Variants in PCDHA12 observed in about 807,000 individuals in gnomAD.
The protein encoded by PCDHA12 is protocadherin alpha 12, also known as protocadherin alpha-12.
Under a neutral mutation model 60.0 loss-of-function variants are expected in PCDHA12, and 44 were observed. The observed-to-expected ratio is 0.73, with a 90% CI of 0.58 to 0.94. The LOEUF (loss-of-function observed/expected upper bound fraction) is 0.94. Among genes scored for constraint, PCDHA12 ranks in the 40% least tolerant of loss-of-function variants. The pLI is 0.00. For missense variants in PCDHA12, 1,276 were observed against 1,239.7 expected (o/e 1.03, Z -0.44); for synonymous variants, 569 against 553.0 (o/e 1.03, Z -0.40).
chr5:140,913,448 G>A (rs185287281), intron 1 of PCDHA12, among the ~76,000 whole-genome samples: 8 of 152,012 alleles, frequency 5.3e-5, no homozygotes, highest in African/African-American at 1.2e-4. Flanking sequence ...TTTCAGCTCC[G>A]ATTTTATTTA....
rs782650940 is a variant in PCDHA12, at chr5:140,877,375, C to G, written c.1903C>G (p.Arg635Gly). ...GTACACTGGCGAGATCAGCACGACA[C>G]GCATCCTGGATGAGGCGGACGCTCC... The part of the protein sequence containing the change: ...GLYTGEISTT[R>G]ILDEADAPRH... Residue 635 changes from arginine to glycine, a missense_variant, in exon 1 of 4, where the codon CGC becomes GGC. Arg to Gly is a moderately radical substitution (Grantham distance 125). Transcript: ENST00000398631. 1 of 1,614,006 alleles carries G rather than the reference C, an allele frequency of 6.2e-7. No homozygotes were observed. Among genetic ancestry groups the G allele is most frequent in the Admixed American group, 1.7e-5 (1 of 60,026 alleles).
rs781982439 is a variant in PCDHA12, at chr5:140,967,345, C to G, written c.2368-11604C>G. 3 of 1,607,752 alleles carry G rather than the reference C, an allele frequency of 1.9e-6. No homozygotes were observed. The South Asian group carries it at 3.3e-5, about 18-fold the overall frequency. On this transcript the variant is annotated intron_variant, in intron 1 of 3. Coordinates refer to ENST00000398631, the MANE Select transcript of PCDHA12 (RefSeq NM_018903.4). ...ACGAGCTCAGCCCCAGCGAGCACTT[C>G]GAGCTGGACCTTAAGCCCCTGCAGG...
intron 1 of PCDHA12, among the ~76,000 whole-genome samples, chr5:140,975,597 T>C (rs2096674133): frequency 6.6e-6 from 1 of 152,242 alleles, no homozygotes; most frequent in Non-Finnish European, 1.5e-5. Context: ...GAGGGCAATT[T>C]GTTGATGTCT....
At chr5:140,961,864 AG>A (rs2095638942) in intron 1 of PCDHA12, among the ~76,000 whole-genome samples, 3 of 151,832 alleles carry the variant, frequency 2.0e-5, no homozygotes, top group Non-Finnish European at 2.9e-5. Context: ...ATCTGGCCAC[AG>A]ATAATTGACT....
rs782473800 is a variant in PCDHA12 at position 140,927,043 on chromosome 5, T to C, written c.2367+49204T>C. On this transcript the variant is annotated intron_variant, in intron 1 of 3. Transcript: ENST00000398631. Reference sequence around the variant, plus strand: ...CTTGAGGCTGCCAGCGGCCGCTATGTCCTCGCGGAACTTTCGCTTCCTTTC... The same window carrying C: ...CTTGAGGCTGCCAGCGGCCGCTATGCCCTCGCGGAACTTTCGCTTCCTTTC... 11 of 1,612,262 alleles carry C rather than the reference T, an allele frequency of 6.8e-6. No homozygotes were observed. Among genetic ancestry groups the C allele is most frequent in the Non-Finnish European group, 9.3e-6 (11 of 1,178,916 alleles).
chr5:140,915,992 G>A (rs1437857401), intron 1 of PCDHA12, among the ~76,000 whole-genome samples: 2 of 152,134 alleles, frequency 1.3e-5, no homozygotes, highest in African/African-American at 4.8e-5. Context: ...GGCTAAGCTG[G>A]CACTCAAACC....
At chr5:140,913,205 C>G (rs2076252546) in intron 1 of PCDHA12, among the ~76,000 whole-genome samples, 1 of 152,176 alleles carries the variant, frequency 6.6e-6, no homozygotes, top group South Asian at 2.1e-4. Context: ...GCAGTGAAGC[C>G]AATGGGTCCC....
chr5:140,952,709 T>C (rs2094784758), intron 1 of PCDHA12, among the ~76,000 whole-genome samples: 1 of 152,208 alleles, frequency 6.6e-6, no homozygotes, highest in Non-Finnish European at 1.5e-5. Flanking sequence ...CCACTCTCAG[T>C]ATCAATTTTC....
chr5:140,999,056 C>T (rs1256829495), intron 3 of PCDHA12, among the ~76,000 whole-genome samples: 4 of 152,212 alleles, frequency 2.6e-5, no homozygotes, highest in Non-Finnish European at 5.9e-5. Context: ...TCCACCATGC[C>T]TAAGTAGTCT....
At chr5:140,943,386 A>G (rs1245126281) in intron 1 of PCDHA12, among the ~76,000 whole-genome samples, 2 of 152,154 alleles carry the variant, frequency 1.3e-5, no homozygotes, top group African/African-American at 4.8e-5. Flanking sequence ...CAGGTAAGAA[A>G]TTATGGATAT....
At chr5:140,938,885 A>C (rs966791166) in intron 1 of PCDHA12, among the ~76,000 whole-genome samples, 9 of 152,144 alleles carry the variant, frequency 5.9e-5, no homozygotes, top group Non-Finnish European at 1.2e-4. Flanking sequence ...CAACACACAC[A>C]CACACAGATG....
intron 3 of PCDHA12, among the ~76,000 whole-genome samples, chr5:141,006,156 TA>T (rs1554260585): frequency 6.6e-6 from 1 of 151,588 alleles, no homozygotes; most frequent in East Asian, 1.9e-4. Flanking sequence ...AGGAGTGATA[TA>T]ATCTGATTTA....
Position 140,875,825 on chromosome 5 carries a change from A to G in PCDHA12, c.353A>G (p.His118Arg). 6.2e-7 allele frequency: 1 copy of G among 1,614,174 alleles called. No individual in the cohort carries two copies. Among genetic ancestry groups the G allele is most frequent in the East Asian group, 2.2e-5 (1 of 44,886 alleles). The stretch of plus-strand genomic sequence containing the variant: ...GTGGACAGGCCGCTGCAGGTTTTCC[A>G]TGTGGACGTGGAGGTGAAGGACATT... ...VIVDRPLQVF[H>R]VDVEVKDIND... The change falls in exon 1 of 4, where the codon CAT becomes CGT. Residue 118 changes from histidine to arginine, a missense_variant. His to Arg is a conservative substitution (Grantham distance 29, BLOSUM62 0). Coordinates refer to ENST00000398631, the MANE Select transcript of PCDHA12 (RefSeq NM_018903.4).
chr5:140,959,293 C>G (rs1554223990), intron 1 of PCDHA12, among the ~76,000 whole-genome samples: 1 of 152,088 alleles, frequency 6.6e-6, no homozygotes, highest in African/African-American at 2.4e-5. Context: ...GGGAGCATCA[C>G]TGAGCCCGGT....
chr5:140,970,752 T>A (rs1324041619), intron 1 of PCDHA12, among the ~76,000 whole-genome samples: 1 of 152,244 alleles, frequency 6.6e-6, no homozygotes, highest in Non-Finnish European at 1.5e-5. Context: ...CAATATATTT[T>A]CATTGACATA....
intron 1 of PCDHA12, among the ~76,000 whole-genome samples, chr5:140,901,673 A>G (rs964267221): frequency 6.6e-6 from 1 of 152,056 alleles, no homozygotes; most frequent in Admixed American, 6.6e-5. Context: ...AGATACCTTT[A>G]GGTATTATGG....
chr5:140,926,405 T>C (rs1554203436), intron 1 of PCDHA12: 1 of 152,454 alleles, frequency 6.6e-6, no homozygotes, highest in Non-Finnish European at 1.5e-5. Context: ...TTATCAGCAA[T>C]CTGCGGGCAG....
In PCDHA12 at chr5:140,877,134, C is replaced by G. The variant is rs1339173132; in HGVS notation, c.1662C>G (p.Phe554Leu). 5 of 1,613,594 alleles carry G rather than the reference C, an allele frequency of 3.1e-6. No individual in the cohort carries two copies. Among genetic ancestry groups the G allele is most frequent in the African/African-American group, 2.7e-5 (2 of 74,924 alleles). The change falls in exon 1 of 4, where the codon TTC becomes TTG. Residue 554 changes from phenylalanine (F) to leucine (L), a missense_variant. Phe to Leu is a conservative substitution (Grantham distance 22). Coordinates refer to ENST00000398631, the MANE Select transcript of PCDHA12 (RefSeq NM_018903.4). ...GCAGCAACGTGACGCTGCAGGTGTT[C>G]GTGCTGGACGAGAACGACAACGCGC... Reference protein sequence around the residue: ...PLGSNVTLQVFVLDENDNAPA... With the variant: ...PLGSNVTLQVLVLDENDNAPA...
chr5:140,902,798 T>C (rs1554190660), intron 1 of PCDHA12, among the ~76,000 whole-genome samples: 1 of 152,156 alleles, frequency 6.6e-6, no homozygotes, highest in Admixed American at 6.5e-5. Context: ...CACTTGTATG[T>C]GAGAATATAC....
Sources: allele counts gnomAD v4.1 joint callset (sites outside exome capture counted in the v4.1 genomes callset), GRCh38; gene constraint gnomAD v4.1.1; transcripts MANE v1.5; gene names NCBI Gene and HGNC (gene_info 2026-07-23, HGNC 2026-07-21).